The following TEC variants were observed in gnomAD, a reference collection of about 807,000 sequenced individuals.
TEC encodes the protein tyrosine-protein kinase Tec.
TEC carries 72 observed loss-of-function variants against 93.0 expected under a neutral mutation model. That is an observed-to-expected ratio of 0.77 (90% CI 0.64 to 0.94). The LOEUF (loss-of-function observed/expected upper bound fraction) is 0.94, where lower values mean the gene tolerates loss of function less well. Ranked by LOEUF, TEC falls within the 40% of genes least tolerant of loss-of-function variation. TEC has a pLI of 0.00. For synonymous variants in TEC, 249 were observed against 247.7 expected (o/e 1.01, Z -0.05); for missense variants, 630 against 757.9 (o/e 0.83, Z 1.98).
intron 2 of TEC, among the ~76,000 whole-genome samples, chr4:48,186,319 T>C (rs1721841634): frequency 6.8e-6 from 1 of 146,560 alleles, no homozygotes; most frequent in African/African-American, 2.6e-5. Context: ...TGGCCACCCA[T>C]CGTCTGGGAT....
chr4:48,171,512 C>CAG (rs1337822842), intron 3 of TEC, 63 bp from the exon 4 acceptor site: 2 of 1,349,064 alleles, frequency 1.5e-6, no homozygotes, highest in Non-Finnish European at 2.1e-6. Context: ...CTGTCTAGCA[C>CAG]AGAACCCTTG....
At chr4:48,199,804 C>A (rs2457414) in intron 2 of TEC, among the ~76,000 whole-genome samples, 96,766 of 151,948 alleles carry the variant, frequency 0.64, 31,107 homozygotes, top group African/African-American at 0.73. Context: ...ACTTAACAAC[C>A]ATGGCAATAT....
At chr4:48,245,840 G>A (rs565847262) in intron 1 of TEC, among the ~76,000 whole-genome samples, 10 of 152,264 alleles carry the variant, frequency 6.6e-5, no homozygotes, top group African/African-American at 2.2e-4. Flanking sequence ...GCCAAGCACC[G>A]TGGCTCATGC....
chr4:48,256,131 G>A (rs1050375034), intron 1 of TEC, among the ~76,000 whole-genome samples: 63 of 152,056 alleles, frequency 4.1e-4, no homozygotes, highest in Non-Finnish European at 5.0e-4. Context: ...CAGTATTTCT[G>A]GGGGAGGAGA....
chr4:48,200,533 T>A (rs1230988306), intron 2 of TEC, among the ~76,000 whole-genome samples: 3 of 152,228 alleles, frequency 2.0e-5, no homozygotes, highest in Non-Finnish European at 4.4e-5. Flanking sequence ...CAGAAATTGC[T>A]AGCTGTCTGC....
chr4:48,236,044 T>C (rs1723774581), intron 1 of TEC, among the ~76,000 whole-genome samples: 1 of 152,158 alleles, frequency 6.6e-6, no homozygotes, highest in Non-Finnish European at 1.5e-5. Context: ...AGTCTCCTAG[T>C]TTAGGAGACT....
At chr4:48,215,014 G>T (rs574647809) in intron 2 of TEC, among the ~76,000 whole-genome samples, 5 of 152,034 alleles carry the variant, frequency 3.3e-5, no homozygotes, top group East Asian at 3.9e-4. Flanking sequence ...TTAGCCAGGC[G>T]AGGTGGATCA....
rs375679442 is a variant in TEC at position 48,228,619 on chromosome 4, G to A, written c.-5C>T. 5.2e-5 allele frequency: 84 copies of A among 1,610,562 alleles called. No individual in the cohort carries two copies. Among genetic ancestry groups the A allele is most frequent in the South Asian group, 8.9e-5 (8 of 90,392 alleles). ...CAAAATAGTGTTAAAATTCATCTCCGTCTTCTGATTACTCCTCCTGCCACT... is the reference window on the plus strand; with the variant it reads ...CAAAATAGTGTTAAAATTCATCTCCATCTTCTGATTACTCCTCCTGCCACT... On this transcript the variant is annotated 5_prime_UTR_variant, in exon 2 of 18. In the 5' UTR this introduces an upstream ATG that the reference lacks. Coordinates refer to ENST00000381501, the MANE Select transcript of TEC (RefSeq NM_003215.3).
chr4:48,153,148 T>G (rs1266504737), intron 9 of TEC, among the ~76,000 whole-genome samples: 1 of 152,118 alleles, frequency 6.6e-6, no homozygotes, highest in Non-Finnish European at 1.5e-5. Flanking sequence ...ATTAAACATC[T>G]ATTAACGCTT....
At position 48,184,149 on chromosome 4, in the gene TEC, C is replaced by A. The variant is rs576932600; in HGVS notation, c.139-7963G>T. ...GGATAATCTCAGTGAATCCTCACAGCATTATAACATGAGAATTACTGTCAC... is the reference window on the plus strand; with the variant it reads ...GGATAATCTCAGTGAATCCTCACAGAATTATAACATGAGAATTACTGTCAC... On this transcript the variant is annotated intron_variant, in intron 2 of 17. Coordinates refer to ENST00000381501, the MANE Select transcript of TEC (RefSeq NM_003215.3). Among the ~76,000 whole-genome samples the A allele has an allele frequency of 3.3e-5, 5 of 152,304 alleles. No homozygotes were observed. In the South Asian group the frequency reaches 1.0e-3, roughly 32 times the overall value.
chr4:48,145,757 A>G (rs2661548), intron 12 of TEC, among the ~76,000 whole-genome samples, 178 bp from the exon 13 acceptor site: 122,293 of 152,194 alleles, frequency 0.8, 49,215 homozygotes, highest in East Asian at 0.92. Flanking sequence ...CAAAGGTGGG[A>G]AGGATGAATC....
intron 2 of TEC, among the ~76,000 whole-genome samples, chr4:48,188,158 G>A (rs942678012): frequency 6.6e-6 from 1 of 152,168 alleles, no homozygotes; most frequent in Non-Finnish European, 1.5e-5. Context: ...CTGAAAGATT[G>A]TGGGGACTGA....
intron 1 of TEC, among the ~76,000 whole-genome samples, chr4:48,229,876 C>T (rs992532952): frequency 2.0e-5 from 3 of 150,768 alleles, no homozygotes; most frequent in African/African-American, 2.4e-5. Flanking sequence ...GAGTTTGAGA[C>T]GAGCCTGGCC....
In TEC at chr4:48,150,867, C is replaced by T; in HGVS notation, c.868G>A (p.Gly290Arg). The T allele has an allele frequency of 6.5e-7, 1 of 1,528,814 alleles. No individual in the cohort carries two copies. Among genetic ancestry groups the T allele is most frequent in the Non-Finnish European group, 8.8e-7 (1 of 1,140,286 alleles). 94.7% of individuals were successfully genotyped at this position (1,528,814 alleles called of 1,614,324 possible). A position where few individuals can be genotyped will look rare whatever the true frequency, so the allele number is the denominator to read the frequency against. Residue 290 changes from glycine (G) to arginine (R), a missense_variant, in exon 10 of 18, where the codon GGA (glycine) becomes AGA (arginine). Gly to Arg is a moderately radical substitution (Grantham distance 125). This residue lies in a region of TEC where 335 missense variants were observed against 351.5 expected (regional missense o/e 0.95). Coordinates refer to ENST00000381501, the MANE Select transcript of TEC (RefSeq NM_003215.3). ...AAAAATGGCAGGATTACTCACCCTC[C>T]AAACTTGGTATAAAGGGAGACTGTG... The part of the protein sequence containing the change: ...LYTVSLYTKF[G>R]GEGSSGFRHY...
chr4:48,209,822 T>C (rs1183608953), intron 2 of TEC, among the ~76,000 whole-genome samples: 3 of 152,224 alleles, frequency 2.0e-5, no homozygotes, highest in Non-Finnish European at 4.4e-5. Context: ...ACACACCACT[T>C]TGTTTTTCAA....
At chr4:48,144,682 A>C (rs1353234056) in intron 14 of TEC, among the ~76,000 whole-genome samples, 1 of 152,158 alleles carries the variant, frequency 6.6e-6, no homozygotes. Context: ...TGAGGTGGAA[A>C]AGAACTTGGG....
At chr4:48,265,444 C>T (rs1461386079) in intron 1 of TEC, among the ~76,000 whole-genome samples, 3 of 27,710 alleles carry the variant, frequency 1.1e-4, no homozygotes, top group East Asian at 1.8e-3. Flanking sequence ...CACATATATA[C>T]GTATATATAT....
intron 2 of TEC, among the ~76,000 whole-genome samples, chr4:48,207,923 G>A (rs2109606315): frequency 6.6e-6 from 1 of 152,290 alleles, no homozygotes; most frequent in East Asian, 1.9e-4. Context: ...TAGAAGAAAA[G>A]AAGAGGAAAT....
intron 8 of TEC, among the ~76,000 whole-genome samples, chr4:48,160,563 C>G (rs574239727): frequency 6.6e-6 from 1 of 151,940 alleles, no homozygotes; most frequent in Non-Finnish European, 1.5e-5. Flanking sequence ...CCTGTCTCTA[C>G]TAAAAATACA....
Sources: gnomAD v4.1 joint callset for allele counts (sites outside exome capture counted in the v4.1 genomes callset) on GRCh38, gnomAD v4.1.1 for gene constraint, gnomAD v4.1.1 regional missense constraint, MANE v1.5 for transcripts, NCBI Gene and HGNC (gene_info 2026-07-23, HGNC 2026-07-21) for gene names.